BACH1: variants seen among roughly 807,000 people sequenced by gnomAD.
BACH1 encodes BTB domain and CNC homolog 1.
Under a neutral mutation model 52.9 loss-of-function variants are expected in BACH1, and 35 were observed. That is an observed-to-expected ratio of 0.66 (90% confidence interval 0.51 to 0.88). The LOEUF (loss-of-function observed/expected upper bound fraction) is 0.88. BACH1 is among the 40% of genes least tolerant of loss of function. The pLI is 0.00. For missense variants in BACH1, 808 were observed against 872.6 expected, an observed-to-expected ratio of 0.93 and a Z score of 0.93; for synonymous variants, 321 against 319.6, an observed-to-expected ratio of 1.00 and a Z score of -0.05.
Position 29,321,366 on chromosome 21 carries a change from A to G in BACH1, c.86A>G (p.Lys29Arg). The G allele has an allele frequency of 1.2e-6, 2 of 1,614,238 alleles. No individual in the cohort carries two copies. The highest frequency in any genetic ancestry group is 2.2e-5 in the South Asian group (2 of 91,086). ...NVLLSLNDQRKKDVLCDVTIF... is the reference protein window; with the variant it reads ...NVLLSLNDQRRKDVLCDVTIF... ...TTACTCAGCCTTAATGACCAGCGGA[A>G]GAAAGATGTGCTGTGCGATGTCACC... is the stretch of plus-strand genomic sequence containing the variant. Residue 29 changes from lysine to arginine, a missense_variant, in exon 2 of 5, where the codon AAG becomes AGG. Transcript: ENST00000286800.
rs1601371974 is a variant in BACH1, at chr21:29,345,549, A to G, written c.*2716A>G. 6.6e-6 allele frequency: 1 copy of G among 152,374 alleles called. No homozygotes were observed. The highest frequency in any genetic ancestry group is 2.4e-5 in the African/African-American group (1 of 41,448). The allele number at this position is 152,374 out of a possible 1,614,324, so 9.4% of individuals were successfully genotyped here. A position where few individuals can be genotyped will look rare whatever the true frequency, so the allele number is the denominator to read the frequency against. On this transcript the variant is annotated 3_prime_UTR_variant, in exon 5 of 5. Coordinates refer to ENST00000286800, the MANE Select transcript of BACH1 (RefSeq NM_001186.4). ...GGAACTATAGCAAATAATTCGTTAA[A>G]TTGTCATATTCAAAACAAATGTGGA...
Position 29,358,770 on chromosome 21 carries a change from A to AAAAGAAAAGAAAGAAAG in BACH1, c.472+29084_472+29085insAGAAAGAAAGAAAGAAA, listed in dbSNP as rs1409780180. On this transcript the variant is annotated intron_variant, in intron 2 of 4. Transcript: ENST00000422809. Reference sequence around the variant, plus strand: ...AAAAGAAAAGAAAAGAAAAGAAAAGAAAAGAAAGAAAGAAAGAAAGAAAGA... The same window carrying AAAAGAAAAGAAAGAAAG: ...AAAAGAAAAGAAAAGAAAAGAAAAGAAAAGAAAAGAAAGAAAGAAAGAAAGAAAGAAAGAAAGAAAGA... Among the ~76,000 whole-genome samples, 1,013 of 108,798 alleles carry AAAAGAAAAGAAAGAAAG rather than the reference A, an allele frequency of 9.3e-3. 12 individuals carry two copies. Among genetic ancestry groups the AAAAGAAAAGAAAGAAAG allele is most frequent in the Middle Eastern group, 0.019 (4 of 212 alleles). The allele number at this position is 108,798 out of a possible 152,430, so 71.4% of individuals were successfully genotyped here. A position where few individuals can be genotyped will look rare whatever the true frequency, so the allele number is the denominator to read the frequency against.
chr21:29,334,987 A>T (rs930982231), intron 4 of BACH1, among the ~76,000 whole-genome samples: 3 of 152,202 alleles, frequency 2.0e-5, no homozygotes, highest in African/African-American at 7.2e-5. Flanking sequence ...CATTGGCATC[A>T]TAGTTATCTT....
chr21:29,360,843 C>G (rs2089266811), intron 2 of BACH1, among the ~76,000 whole-genome samples: 1 of 137,468 alleles, frequency 7.3e-6, no homozygotes, highest in African/African-American at 2.8e-5. Flanking sequence ...AAGACCCTGT[C>G]TCAAAAAAAA....
chr21:29,324,386 CT>C (rs2088885018), intron 2 of BACH1, among the ~76,000 whole-genome samples: 1 of 152,108 alleles, frequency 6.6e-6, no homozygotes, highest in African/African-American at 2.4e-5. Context: ...ACTAATCTTT[CT>C]TCCTTTTCTA....
intron 2 of BACH1, among the ~76,000 whole-genome samples, chr21:29,358,362 A>G (rs964320247): frequency 2.0e-5 from 3 of 152,240 alleles, no homozygotes; most frequent in Non-Finnish European, 4.4e-5. Flanking sequence ...AGGAGCACTC[A>G]ATAACCAGGA....
intron 4 of BACH1, among the ~76,000 whole-genome samples, chr21:29,337,700 C>T (rs546023283): frequency 4.5e-4 from 69 of 152,030 alleles, no homozygotes; most frequent in African/African-American, 1.6e-3. Flanking sequence ...GGCCTGTCGT[C>T]GGGTGGGGGA....
chr21:29,357,421 A>G (rs957949348), intron 2 of BACH1, among the ~76,000 whole-genome samples: 2 of 152,200 alleles, frequency 1.3e-5, no homozygotes, highest in African/African-American at 4.8e-5. Context: ...TCTGGGAGAA[A>G]AGTGGCAGGG....
chr21:29,358,774 G>GAA (rs150670774), intron 2 of BACH1, among the ~76,000 whole-genome samples: 1 of 72,304 alleles, frequency 1.4e-5, no homozygotes, highest in Non-Finnish European at 2.9e-5. Context: ...GAAAAGAAAA[G>GAA]AAAGAAAGAA....
chr21:29,311,712 A>G (rs1226439853), intron 1 of BACH1, among the ~76,000 whole-genome samples: 1 of 152,138 alleles, frequency 6.6e-6, no homozygotes, highest in Non-Finnish European at 1.5e-5. Context: ...CTCCAGCTCT[A>G]AACACTTTTT....
intron 2 of BACH1, among the ~76,000 whole-genome samples, chr21:29,354,276 G>T (rs535489379): frequency 7.9e-5 from 12 of 152,018 alleles, no homozygotes; most frequent in Admixed American, 5.2e-4. Flanking sequence ...GGAGAGGGGT[G>T]AGAAGAGTCC....
At chr21:29,355,368 A>T (rs1394700034) in intron 2 of BACH1, among the ~76,000 whole-genome samples, 1 of 152,204 alleles carries the variant, frequency 6.6e-6, no homozygotes, top group Non-Finnish European at 1.5e-5. Flanking sequence ...TTAGCTAGAC[A>T]CAGAGTGCTG....
chr21:29,347,130 C>T (rs942760577), downstream of BACH1, among the ~76,000 whole-genome samples: 1 of 152,128 alleles, frequency 6.6e-6, no homozygotes, highest in African/African-American at 2.4e-5. Context: ...CTTTCCCTGG[C>T]CAGAGTTTTG....
At chr21:29,312,418 C>T (rs1302116556) in intron 1 of BACH1, among the ~76,000 whole-genome samples, 2 of 152,062 alleles carry the variant, frequency 1.3e-5, no homozygotes, top group Admixed American at 6.5e-5. Context: ...TCTCACTATT[C>T]GGTCATTGCA....
At chr21:29,333,663 A>G (rs896683509) in intron 4 of BACH1, among the ~76,000 whole-genome samples, 1 of 152,178 alleles carries the variant, frequency 6.6e-6, no homozygotes, top group Non-Finnish European at 1.5e-5. Context: ...AAATCTTGGA[A>G]CTTTTTGCAG....
At position 29,342,422 on chromosome 21, in the gene BACH1, G is replaced by A. The variant is rs1424472952; in HGVS notation, c.1800G>A (p.Leu600=). 2.5e-6 allele frequency: 4 copies of A among 1,613,316 alleles called. No homozygotes were observed. The highest frequency in any genetic ancestry group is 1.7e-5 in the Admixed American group (1 of 59,912). Residue 600 remains leucine (L), a synonymous_variant, in exon 5 of 5, where the codon TTG becomes TTA. Transcript: ENST00000286800. The part of the protein sequence containing the change: ...EKLQSEKESL[L]KERDHILSTL... Reference sequence around the variant, plus strand: ...AGCAAAGTGAAAAGGAGAGCTTGTTGAAGGAAAGAGATCACATTTTGTCAA... The same window carrying A: ...AGCAAAGTGAAAAGGAGAGCTTGTTAAAGGAAAGAGATCACATTTTGTCAA...
chr21:29,319,918 T>C (rs530838143), intron 1 of BACH1, among the ~76,000 whole-genome samples: 1 of 152,206 alleles, frequency 6.6e-6, no homozygotes, highest in African/African-American at 2.4e-5. Flanking sequence ...TAATTTCTTG[T>C]GTTGATAACT....
intron 1 of BACH1, among the ~76,000 whole-genome samples, chr21:29,316,371 T>A (rs1188642225): frequency 6.6e-6 from 1 of 152,236 alleles, no homozygotes; most frequent in East Asian, 1.9e-4. Flanking sequence ...TGCTTATTCA[T>A]CCTTTATCAG....
rs1436164139 is a variant in BACH1 at position 29,326,268 on chromosome 21, A to G, written c.444A>G (p.Ser148=). Residue 148 remains serine (S), a synonymous_variant, in exon 3 of 5, where the codon TCA becomes TCG. Coordinates refer to ENST00000286800, the MANE Select transcript of BACH1 (RefSeq NM_001186.4). Reference sequence around the variant, plus strand: ...GCCCAAGAAAAAAATGCTTTTCATCACACTGTCAGAAAACAGACCTTAAAC... The same window carrying G: ...GCCCAAGAAAAAAATGCTTTTCATCGCACTGTCAGAAAACAGACCTTAAAC... The part of the protein sequence containing the change: ...QECPRKKCFS[S]HCQKTDLKLS... 6.2e-7 allele frequency: 1 copy of G among 1,614,110 alleles called. No individual in the cohort carries two copies. The highest frequency in any genetic ancestry group is 8.5e-7 in the Non-Finnish European group (1 of 1,180,012).
Sources: gnomAD v4.1 joint callset for allele counts (sites outside exome capture counted in the v4.1 genomes callset) on GRCh38, gnomAD v4.1.1 for gene constraint, MANE v1.5 for transcripts, NCBI Gene and HGNC (gene_info 2026-07-23, HGNC 2026-07-21) for gene names.